PRKAG2: variants seen among roughly 807,000 people sequenced by gnomAD.
PRKAG2 encodes 5'-AMP-activated protein kinase subunit gamma-2.
A neutral mutation model predicts 69.6 loss-of-function variants in PRKAG2; 26 were observed. That is an observed-to-expected ratio of 0.37 (90% CI 0.27 to 0.52). The LOEUF (loss-of-function observed/expected upper bound fraction) is 0.52. PRKAG2 is among the 20% of genes least tolerant of loss of function. The pLI is 0.90. For missense variants in PRKAG2, 557 were observed against 740.0 expected (o/e 0.75, Z 2.87); for synonymous variants, 293 against 285.0 (o/e 1.03, Z -0.28).
In PRKAG2 at chr7:151,777,334, A is replaced by G. The variant is rs1251259113; in HGVS notation, c.466+3818T>C. ...CAGAGGGGCTGGGAGTCTTGGATCC[A>G]CCTCTGATAGAGGTTGAGTGTTTCT... On this transcript the variant is annotated intron_variant, in intron 3 of 15. Transcript: ENST00000287878. The surrounding 1 kb of genome is among the most constrained non-coding windows in gnomAD (Gnocchi z 4.3). Among the ~76,000 whole-genome samples, 2 of 152,122 alleles carry G rather than the reference A, an allele frequency of 1.3e-5. No homozygotes were observed. The highest frequency in any genetic ancestry group is 4.8e-5 in the African/African-American group (2 of 41,412).
chr7:151,582,514 G>A (rs1032090695), intron 6 of PRKAG2, among the ~76,000 whole-genome samples: 3 of 152,158 alleles, frequency 2.0e-5, no homozygotes, highest in Non-Finnish European at 2.9e-5. Context: ...CAAAGAGAAC[G>A]TTAAGAATTT....
At chr7:151,630,377 A>G (rs1368174172) in intron 5 of PRKAG2, among the ~76,000 whole-genome samples, 1 of 152,248 alleles carries the variant, frequency 6.6e-6, no homozygotes, top group Non-Finnish European at 1.5e-5. Flanking sequence ...TAAAAAGCTC[A>G]TGAATTCAGT....
At chr7:151,615,240 G>A (rs1397083565) in intron 5 of PRKAG2, among the ~76,000 whole-genome samples, 1 of 152,154 alleles carries the variant, frequency 6.6e-6, no homozygotes, top group Non-Finnish European at 1.5e-5. Flanking sequence ...GTATTCCATG[G>A]TGTATATGTA....
chr7:151,636,506 A>C (rs1825759608), intron 4 of PRKAG2, among the ~76,000 whole-genome samples: 1 of 152,008 alleles, frequency 6.6e-6, no homozygotes, highest in Non-Finnish European at 1.5e-5. Flanking sequence ...GCTGAACGAT[A>C]CTCTGTTGTG....
intron 3 of PRKAG2, among the ~76,000 whole-genome samples, chr7:151,694,172 C>A (rs922459162): frequency 6.6e-6 from 1 of 152,218 alleles, no homozygotes; most frequent in Non-Finnish European, 1.5e-5. Context: ...CAGTGCCCAG[C>A]CACAATTTCT....
At chr7:151,785,675 C>T (rs1462464030) in intron 2 of PRKAG2, among the ~76,000 whole-genome samples, 1 of 152,258 alleles carries the variant, frequency 6.6e-6, no homozygotes, top group Non-Finnish European at 1.5e-5. Context: ...CTAGCTCTGT[C>T]TGCTGTCACC....
At chr7:151,795,957 T>C (rs1040664459) in intron 1 of PRKAG2, among the ~76,000 whole-genome samples, 5 of 146,946 alleles carry the variant, frequency 3.4e-5, no homozygotes, top group Non-Finnish European at 7.5e-5. Context: ...TGTGATTATA[T>C]CTCAATATAC....
chr7:151,702,753 C>T (rs1271233440), intron 3 of PRKAG2, among the ~76,000 whole-genome samples: 1 of 152,158 alleles, frequency 6.6e-6, no homozygotes, highest in African/African-American at 2.4e-5. Flanking sequence ...AGAGTGAAGG[C>T]CTGGGGGGCA....
chr7:151,855,726 A>T (rs2079757700), intron 1 of PRKAG2, among the ~76,000 whole-genome samples: 1 of 140,484 alleles, frequency 7.1e-6, no homozygotes, highest in Admixed American at 7.0e-5. Context: ...ATAGGGGAAA[A>T]GTGGGTGGGT....
Position 151,814,261 on chromosome 7 carries a change from AT to A in PRKAG2, c.115-27721del, listed in dbSNP as rs2078567913. ...GGAACATTTTGCTCAGCCTTGGGGT[AT>A]CTGATTTAATAAGAGGCTCTTGGAG... On this transcript the variant is annotated intron_variant, in intron 1 of 15. Coordinates refer to ENST00000287878, the MANE Select transcript of PRKAG2 (RefSeq NM_016203.4). This position sits in a 1 kb window ranked among gnomAD's most constrained non-coding sequence, Gnocchi z 4.8. Among the ~76,000 whole-genome samples the A allele has an allele frequency of 6.6e-6, 1 of 152,222 alleles. No homozygotes were observed. The highest frequency in any genetic ancestry group is 1.5e-5 in the Non-Finnish European group (1 of 68,046).
At chr7:151,747,878 G>A (rs1310851142) in intron 3 of PRKAG2, among the ~76,000 whole-genome samples, 3 of 151,668 alleles carry the variant, frequency 2.0e-5, no homozygotes, top group Non-Finnish European at 4.4e-5. Context: ...GTGGGGCTAA[G>A]GGGGTGAAAA....
At chr7:151,573,099 T>C (rs1490846810) in intron 8 of PRKAG2, among the ~76,000 whole-genome samples, 1 of 150,294 alleles carries the variant, frequency 6.7e-6, no homozygotes, top group Non-Finnish European at 1.5e-5. Flanking sequence ...GGCAACAGAG[T>C]GAGACTCTGT....
intron 4 of PRKAG2, among the ~76,000 whole-genome samples, chr7:151,673,935 G>T (rs1832479566): frequency 6.7e-6 from 1 of 149,596 alleles, no homozygotes. Context: ...CTCTGCCTCT[G>T]GGTTCCCACG....
At chr7:151,613,700 G>A (rs1045581681) in intron 5 of PRKAG2, among the ~76,000 whole-genome samples, 2 of 151,510 alleles carry the variant, frequency 1.3e-5, no homozygotes, top group African/African-American at 2.4e-5. Context: ...GTTTCGCCAC[G>A]TTGGTCAGGC....
intron 4 of PRKAG2, among the ~76,000 whole-genome samples, chr7:151,666,817 T>C (rs1312632422): frequency 2.6e-5 from 4 of 152,146 alleles, no homozygotes; most frequent in African/African-American, 4.8e-5. Context: ...ATTAAATATA[T>C]AATAAGAAGA....
chr7:151,847,088 C>T (rs1001702013), intron 1 of PRKAG2, among the ~76,000 whole-genome samples: 7 of 152,190 alleles, frequency 4.6e-5, no homozygotes, highest in African/African-American at 7.2e-5. Flanking sequence ...CCATGCTTGA[C>T]GGGGGATGCC....
intron 6 of PRKAG2, among the ~76,000 whole-genome samples, chr7:151,584,463 T>C (rs1811180683): frequency 6.6e-6 from 1 of 150,996 alleles, no homozygotes; most frequent in African/African-American, 2.4e-5. Flanking sequence ...CAGATCTCAC[T>C]AGAAGGGTTA....
At chr7:151,690,676 T>C (rs1263990802) in intron 3 of PRKAG2, among the ~76,000 whole-genome samples, 1 of 152,220 alleles carries the variant, frequency 6.6e-6, no homozygotes, top group Non-Finnish European at 1.5e-5. Context: ...CTGAATACGG[T>C]GCTTAGGGGA....
Position 151,857,129 on chromosome 7 carries a change from G to GAAAAAAA in PRKAG2, c.114+19371_114+19377dup, listed in dbSNP as rs34768438. Among the ~76,000 whole-genome samples, 412 of 122,626 alleles carry GAAAAAAA rather than the reference G, an allele frequency of 3.4e-3. 2 individuals are homozygous for GAAAAAAA. Among genetic ancestry groups the GAAAAAAA allele is most frequent in the African/African-American group, 0.012 (397 of 32,094 alleles). 80.4% of individuals were successfully genotyped at this position (122,626 alleles called of 152,430 possible). A position where few individuals can be genotyped will look rare whatever the true frequency, so the allele number is the denominator to read the frequency against. ...ATTAGGCAAGGGCTGATCATTGCTGGAAAAAAAAAAAAAAAAAGCCCACAG... is the reference window on the plus strand; with the variant it reads ...ATTAGGCAAGGGCTGATCATTGCTGGAAAAAAAAAAAAAAAAAAAAAAAAGCCCACAG... On this transcript the variant is annotated intron_variant, in intron 1 of 15. Transcript: ENST00000287878.
Sources: gnomAD v4.1 joint callset for allele counts (sites outside exome capture counted in the v4.1 genomes callset) on GRCh38, gnomAD v4.1.1 for gene constraint, Gnocchi (gnomAD v3.1) non-coding constraint, MANE v1.5 for transcripts, NCBI Gene and HGNC (gene_info 2026-07-23, HGNC 2026-07-21) for gene names.